Variants in ELL observed in about 807,000 individuals in gnomAD.
ELL encodes the protein elongation factor for RNA polymerase II, also known as RNA polymerase II elongation factor ELL.
ELL carries 18 observed loss-of-function variants against 64.0 expected under a neutral mutation model. The ratio of observed to expected loss-of-function variants is 0.28; its 90% CI spans 0.19 to 0.42. The LOEUF (loss-of-function observed/expected upper bound fraction) is 0.42. ELL is among the 10% of genes least tolerant of loss of function. ELL has a pLI of 1.00. For missense variants in ELL, 797 were observed against 870.4 expected, an observed-to-expected ratio of 0.92 and a Z score of 1.06; for synonymous variants, 399 against 376.2, an observed-to-expected ratio of 1.06 and a Z score of -0.70.
intron 6 of ELL, among the ~76,000 whole-genome samples, chr19:18,452,725 C>T (rs1469499899): frequency 1.3e-5 from 2 of 152,166 alleles, no homozygotes; most frequent in African/African-American, 4.8e-5. Flanking sequence ...CAAAGAGGCT[C>T]GGGCCACTCC....
intron 6 of ELL, 101 bp from the exon 7 acceptor site, chr19:18,451,749 G>A (rs1974543386): frequency 1.1e-6 from 1 of 935,068 alleles, no homozygotes; most frequent in Non-Finnish European, 1.5e-6. Context: ...CTCAAGGAAG[G>A]GACCCCCCTC....
intron 1 of ELL, among the ~76,000 whole-genome samples, chr19:18,479,019 C>T (rs1457858264): frequency 6.6e-6 from 1 of 152,240 alleles, no homozygotes; most frequent in African/African-American, 2.4e-5. Context: ...ATCCTCTCCC[C>T]TCCGGCAAAG....
chr19:18,473,855 A>T (rs1463910707), intron 1 of ELL, among the ~76,000 whole-genome samples: 2 of 151,916 alleles, frequency 1.3e-5, no homozygotes, highest in African/African-American at 2.4e-5. Context: ...GCCCACTGAG[A>T]TGCCCTCCCA....
chr19:18,449,035 C>T lies in ELL; in HGVS notation c.1465+1442G>A, dbSNP rs970467213. On this transcript the variant is annotated intron_variant, in intron 8 of 11. Transcript: ENST00000262809. This position sits in a 1 kb window ranked among gnomAD's most constrained non-coding sequence, Gnocchi z 4.4. ...CTCAGCTTCTGGTGCCTCCACTGTC[C>T]TTTTCTTGGTGCTTGGGACATCTAC... Among the ~76,000 whole-genome samples the T allele has an allele frequency of 1.3e-5, 2 of 152,162 alleles. No individual in the cohort carries two copies. Among genetic ancestry groups the T allele is most frequent in the African/African-American group, 4.8e-5 (2 of 41,424 alleles).
At chr19:18,506,585 T>C (rs1182898246) in intron 1 of ELL, among the ~76,000 whole-genome samples, 9 of 152,138 alleles carry the variant, frequency 5.9e-5, no homozygotes, top group Non-Finnish European at 1.5e-5. Flanking sequence ...ATTAGCCAGG[T>C]GTGGTGCCAC....
intron 4 of ELL, among the ~76,000 whole-genome samples, chr19:18,465,167 C>T (rs1176264448): frequency 6.6e-6 from 1 of 152,230 alleles, no homozygotes; most frequent in South Asian, 2.1e-4. Flanking sequence ...CCTCAGGCTT[C>T]ACAAGCCAGC....
chr19:18,494,263 G>A (rs889887491), intron 1 of ELL, among the ~76,000 whole-genome samples: 1 of 152,044 alleles, frequency 6.6e-6, no homozygotes, highest in East Asian at 1.9e-4. Flanking sequence ...GGAAGGGGAG[G>A]GGAAGGGAAG....
chr19:18,451,099 GC>G, intron 7 of ELL, 124 bp from the exon 8 acceptor site: 1 of 1,324,136 alleles, frequency 7.6e-7, no homozygotes. Context: ...ACATGGGGGC[GC>G]CCGAGCACCA....
In ELL at chr19:18,445,225, T is replaced by C. The variant is rs1207845919; in HGVS notation, c.1748A>G (p.Lys583Arg). ...CACCCCAACACAAGAGACACTCACC[T>C]TTTTGATTTTTCGATATTCCTGCAA... Reference protein sequence around the residue: ...QILQEYRKIKKTNTNYSQEKH... With the variant: ...QILQEYRKIKRTNTNYSQEKH... Residue 583 changes from lysine (K) to arginine (R), a missense_variant and splice_region_variant, in exon 11 of 12, where the codon AAG (lysine) becomes AGG (arginine). Lys to Arg is a conservative substitution (Grantham distance 26). Transcript: ENST00000262809. 65 of 1,613,980 alleles carry C rather than the reference T, an allele frequency of 4.0e-5. No individual in the cohort carries two copies. Among genetic ancestry groups the C allele is most frequent in the Non-Finnish European group, 5.3e-5 (62 of 1,180,018 alleles).
chr19:18,482,308 CTTTTTTTTTTTTTT>C (rs530594631), intron 1 of ELL, among the ~76,000 whole-genome samples: 6 of 77,566 alleles, frequency 7.7e-5, no homozygotes, highest in East Asian at 3.1e-4. Context: ...CTTTTCATTC[CTTTTTTTTTTTTTT>C]TTTTTTTTTT....
At chr19:18,496,913 G>A (rs57138044) in intron 1 of ELL, among the ~76,000 whole-genome samples, 8,036 of 152,340 alleles carry the variant, frequency 0.053, 735 homozygotes, top group African/African-American at 0.19. Context: ...CCAAGTGCTG[G>A]TGAGGACATG....
chr19:18,520,481 CAAAA>C (rs1212774032), intron 1 of ELL, among the ~76,000 whole-genome samples: 1 of 149,646 alleles, frequency 6.7e-6, no homozygotes, highest in African/African-American at 2.5e-5. Flanking sequence ...CTTGCTCTTT[CAAAA>C]AAAAATGAAA....
chr19:18,520,010 G>A (rs750399318), intron 1 of ELL, among the ~76,000 whole-genome samples: 1 of 152,030 alleles, frequency 6.6e-6, no homozygotes, highest in Non-Finnish European at 1.5e-5. Context: ...GCTGGGCTCC[G>A]AGCCAGAGGA....
chr19:18,521,805 C>T (rs777299042), intron 1 of ELL, 116 bp downstream of exon 1: 10 of 1,377,060 alleles, frequency 7.3e-6, no homozygotes, highest in African/African-American at 3.1e-5. Context: ...CCCAGGGACC[C>T]GCGAGCAGCA....
At chr19:18,469,720 C>CA (rs1201215662) in intron 2 of ELL, among the ~76,000 whole-genome samples, 6 of 152,376 alleles carry the variant, frequency 3.9e-5, no homozygotes, top group Admixed American at 2.6e-4. Flanking sequence ...CCGCAGGGCC[C>CA]AAAGGCCCGC....
chr19:18,447,136 G>GC (rs1190098899), intron 8 of ELL, among the ~76,000 whole-genome samples: 35 of 152,204 alleles, frequency 2.3e-4, no homozygotes, highest in Non-Finnish European at 4.3e-4. Flanking sequence ...GACAGGTCAG[G>GC]GAACTGCAGG....
chr19:18,471,887 G>A (rs1390493538), intron 2 of ELL, among the ~76,000 whole-genome samples: 1 of 152,154 alleles, frequency 6.6e-6, no homozygotes, highest in Non-Finnish European at 1.5e-5. Flanking sequence ...AAATGTCCAA[G>A]GTCCTTGTGT....
chr19:18,454,627 G>A (rs1351522536), intron 6 of ELL, among the ~76,000 whole-genome samples: 1 of 151,650 alleles, frequency 6.6e-6, no homozygotes, highest in African/African-American at 2.4e-5. Flanking sequence ...GATTACCTGA[G>A]GTTGGGAGTT....
In ELL at chr19:18,464,361, G is replaced by A. The variant is rs376246865; in HGVS notation, c.469+1051C>T. 6.6e-5 allele frequency among the ~76,000 whole-genome samples: 10 copies of A among 152,298 alleles called. No homozygotes were observed. The East Asian group carries it at 1.9e-3, about 29-fold the overall frequency. ...AGCCTGAGTGACAGAGAAAGGTCCT[G>A]TCTTTAAAAAAAGAAAAAACAAAAA... On this transcript the variant is annotated intron_variant, in intron 4 of 11. Coordinates refer to ENST00000262809, the MANE Select transcript of ELL (RefSeq NM_006532.4).
Sources: gnomAD v4.1 joint callset for allele counts (sites outside exome capture counted in the v4.1 genomes callset) on GRCh38, gnomAD v4.1.1 for gene constraint, Gnocchi (gnomAD v3.1) non-coding constraint, MANE v1.5 for transcripts, NCBI Gene and HGNC (gene_info 2026-07-23, HGNC 2026-07-21) for gene names.